The following SPAG16 variants were observed in gnomAD, a reference collection of about 807,000 sequenced individuals.
SPAG16 encodes sperm associated antigen 16, also known as sperm-associated antigen 16 protein.
SPAG16 carries 86 observed loss-of-function variants against 80.4 expected under a neutral mutation model. The observed-to-expected ratio is 1.07, with a 90% CI of 0.90 to 1.28. The LOEUF is 1.28. Ranked by LOEUF, SPAG16 falls within the 50% of genes most tolerant of loss-of-function variation. The pLI is 0.00. For synonymous variants in SPAG16, 294 were observed against 265.9 expected, an observed-to-expected ratio of 1.11 and a Z score of -1.03; for missense variants, 870 against 765.3, an observed-to-expected ratio of 1.14 and a Z score of -1.61.
intron 12 of SPAG16, among the ~76,000 whole-genome samples, chr2:213,970,724 T>C (rs1207451150): frequency 6.6e-6 from 1 of 152,232 alleles, no homozygotes; most frequent in African/African-American, 2.4e-5. Flanking sequence ...TAGATGTCCT[T>C]CCAAGGATAT....
intron 11 of SPAG16, among the ~76,000 whole-genome samples, chr2:213,896,147 A>G (rs1001621884): frequency 6.6e-5 from 10 of 152,114 alleles, no homozygotes; most frequent in African/African-American, 2.2e-4. Context: ...ACCTGAATAG[A>G]CGTTTATCAA....
At chr2:213,688,298 A>C (rs1287157946) in intron 10 of SPAG16, among the ~76,000 whole-genome samples, 1 of 152,162 alleles carries the variant, frequency 6.6e-6, no homozygotes, top group Non-Finnish European at 1.5e-5. Flanking sequence ...TCCTATTCAG[A>C]CCTTTAAAAG....
Position 213,788,557 on chromosome 2 carries a change from A to G in SPAG16, c.1071-73928A>G, listed in dbSNP as rs571054606. Among the ~76,000 whole-genome samples, 8 of 152,048 alleles carry G rather than the reference A, an allele frequency of 5.3e-5. No individual in the cohort carries two copies. In the South Asian group the frequency reaches 6.2e-4, roughly 12 times the overall value. On this transcript the variant is annotated intron_variant, in intron 10 of 15. Coordinates refer to ENST00000331683, the MANE Select transcript of SPAG16 (RefSeq NM_024532.5). ...TAAGAAAATTATTTACATAAATTCT[A>G]TATCTCATAGCCAATATCCACAGTG...
chr2:214,408,640 A>G (rs1159730047), intron 15 of SPAG16, among the ~76,000 whole-genome samples: 1 of 152,180 alleles, frequency 6.6e-6, no homozygotes, highest in Admixed American at 6.5e-5. Context: ...TATAGCTTTT[A>G]TGGTGATATA....
intron 10 of SPAG16, among the ~76,000 whole-genome samples, chr2:213,559,113 T>C (rs2059522814): frequency 6.6e-6 from 1 of 152,146 alleles, no homozygotes. Context: ...ATATTTAAGA[T>C]ATAAAATTAA....
intron 15 of SPAG16, among the ~76,000 whole-genome samples, chr2:214,299,110 C>G (rs1694358510): frequency 6.6e-6 from 1 of 151,972 alleles, no homozygotes; most frequent in Admixed American, 6.6e-5. Context: ...GAAAATCAGT[C>G]AGACAGAGGG....
chr2:213,974,740 A>G (rs2045269162), intron 12 of SPAG16, among the ~76,000 whole-genome samples: 1 of 152,020 alleles, frequency 6.6e-6, no homozygotes, highest in Non-Finnish European at 1.5e-5. Flanking sequence ...CCTGTCAGTT[A>G]AGTACCATTT....
At chr2:213,533,358 T>C (rs1205588606) in intron 10 of SPAG16, among the ~76,000 whole-genome samples, 1 of 152,176 alleles carries the variant, frequency 6.6e-6, no homozygotes, top group Non-Finnish European at 1.5e-5. Flanking sequence ...TTCACTTTTA[T>C]TGAGTAGCTA....
intron 15 of SPAG16, among the ~76,000 whole-genome samples, chr2:214,353,332 G>A (rs1353967451): frequency 6.6e-6 from 1 of 151,978 alleles, no homozygotes; most frequent in Non-Finnish European, 1.5e-5. Flanking sequence ...TAAATTCTGT[G>A]ATAATACTAT....
At chr2:213,981,293 G>T (rs1302897580) in intron 12 of SPAG16, among the ~76,000 whole-genome samples, 1 of 152,090 alleles carries the variant, frequency 6.6e-6, no homozygotes, top group Non-Finnish European at 1.5e-5. Context: ...GTTTGTGGGG[G>T]AATCAATTCA....
chr2:214,302,820 A>G (rs914808687), intron 15 of SPAG16, among the ~76,000 whole-genome samples: 2 of 152,220 alleles, frequency 1.3e-5, no homozygotes, highest in African/African-American at 2.4e-5. Flanking sequence ...TCTGGTGCAT[A>G]TGAATTTATG....
chr2:213,862,835 T>A (rs2075535372), intron 11 of SPAG16, among the ~76,000 whole-genome samples: 1 of 152,200 alleles, frequency 6.6e-6, no homozygotes, highest in Non-Finnish European at 1.5e-5. Context: ...ATGTAAAACT[T>A]AGTCCACATG....
At chr2:214,399,213 A>G (rs925760776) in intron 15 of SPAG16, among the ~76,000 whole-genome samples, 13 of 152,270 alleles carry the variant, frequency 8.5e-5, no homozygotes, top group African/African-American at 3.1e-4. Flanking sequence ...TAATTTAGCC[A>G]TTCCCAGTTC....
At chr2:213,392,561 T>C (rs1028333817) in intron 9 of SPAG16, among the ~76,000 whole-genome samples, 1 of 152,074 alleles carries the variant, frequency 6.6e-6, no homozygotes, top group African/African-American at 2.4e-5. Context: ...GAAAATAGTG[T>C]TGAGGCTGGG....
chr2:213,944,411 T>C (rs1261142308), intron 12 of SPAG16, among the ~76,000 whole-genome samples: 1 of 152,220 alleles, frequency 6.6e-6, no homozygotes, highest in African/African-American at 2.4e-5. Flanking sequence ...TTTCTTCTGA[T>C]TTCTCCATTT....
At chr2:213,336,401 T>C (rs2064360795) in intron 5 of SPAG16, among the ~76,000 whole-genome samples, 1 of 152,196 alleles carries the variant, frequency 6.6e-6, no homozygotes, top group African/African-American at 2.4e-5. Flanking sequence ...TGGCCTCACT[T>C]CCACAGAACC....
chr2:213,388,009 T>C (rs1222889618), intron 9 of SPAG16, among the ~76,000 whole-genome samples: 1 of 152,138 alleles, frequency 6.6e-6, no homozygotes, highest in Admixed American at 6.5e-5. Flanking sequence ...ATATAATGAT[T>C]TGGAAAGTCT....
intron 10 of SPAG16, among the ~76,000 whole-genome samples, chr2:213,662,021 T>A: frequency 6.6e-6 from 1 of 152,214 alleles, no homozygotes. Flanking sequence ...TATCTTTTCC[T>A]TAGCAGCTAT....
intron 10 of SPAG16, among the ~76,000 whole-genome samples, chr2:213,741,069 T>C (rs1035136555): frequency 6.6e-6 from 1 of 152,204 alleles, no homozygotes; most frequent in African/African-American, 2.4e-5. Context: ...GCCTCATAAC[T>C]TTAGTTAATG....
Sources: gnomAD v4.1 joint callset for allele counts (sites outside exome capture counted in the v4.1 genomes callset) on GRCh38, gnomAD v4.1.1 for gene constraint, MANE v1.5 for transcripts, NCBI Gene and HGNC (gene_info 2026-07-23, HGNC 2026-07-21) for gene names.